Variants in YEATS2 observed in about 807,000 individuals in gnomAD.
The protein encoded by YEATS2 is YEATS domain-containing protein 2.
A neutral mutation model predicts 163.2 loss-of-function variants in YEATS2; 77 were observed. The observed-to-expected ratio is 0.47, with a 90% CI of 0.39 to 0.57. The LOEUF is 0.57. YEATS2 is among the 20% of genes least tolerant of loss of function. The pLI is 0.00. For missense variants in YEATS2, 1,549 were observed against 1,729.8 expected, an observed-to-expected ratio of 0.90 and a Z score of 1.85; for synonymous variants, 631 against 645.1, an observed-to-expected ratio of 0.98 and a Z score of 0.33.
intron 15 of YEATS2, among the ~76,000 whole-genome samples, chr3:183,767,354 G>A (rs748911328): frequency 6.6e-6 from 1 of 151,698 alleles, no homozygotes; most frequent in African/African-American, 2.4e-5. Flanking sequence ...GCCTTAGCTG[G>A]GATCGCAGGC....
chr3:183,712,226 T>TATGTTATGTTATGTTATG, intron 1 of YEATS2, among the ~76,000 whole-genome samples: 8 of 147,196 alleles, frequency 5.4e-5, no homozygotes, highest in African/African-American at 1.8e-4. Context: ...TATTTTATTT[T>TATGTTATGTTATGTTATG]TTGAGACAGA....
chr3:183,712,654 A>G (rs1399057687), intron 1 of YEATS2, among the ~76,000 whole-genome samples: 1 of 152,014 alleles, frequency 6.6e-6, no homozygotes, highest in Non-Finnish European at 1.5e-5. Flanking sequence ...TAATCTAACC[A>G]CCCTGGACCT....
intron 12 of YEATS2, 33 bp from the exon 13 acceptor site, chr3:183,758,829 T>G: frequency 7.2e-7 from 1 of 1,383,088 alleles, no homozygotes; most frequent in Non-Finnish European, 1.0e-6. Context: ...AAATTTTACT[T>G]TGTTTATGTT....
At position 183,806,884 on chromosome 3, in the gene YEATS2, C is replaced by G; in HGVS notation, c.3803C>G (p.Ser1268Cys). 1 of 1,613,908 alleles carries G rather than the reference C, an allele frequency of 6.2e-7. No homozygotes were observed. Among genetic ancestry groups the G allele is most frequent in the Non-Finnish European group, 8.5e-7 (1 of 1,179,880 alleles). Reference sequence around the variant, plus strand: ...CATTTAGAGTGCCCATCATCATTCTCCTCTGCTGACAACCTCTGCCGCAAA... The same window carrying G: ...CATTTAGAGTGCCCATCATCATTCTGCTCTGCTGACAACCTCTGCCGCAAA... Reference protein sequence around the residue: ...DSEPECPSSFSSADNLCRKLE... With the variant: ...DSEPECPSSFCSADNLCRKLE... The change falls in exon 28 of 31, where the codon TCC (serine) becomes TGC (cysteine). Residue 1268 changes from serine (S) to cysteine (C), a missense_variant. Physicochemically the swap from Ser to Cys is moderately radical, Grantham distance 112 (BLOSUM62 -1). Coordinates refer to ENST00000305135, the MANE Select transcript of YEATS2 (RefSeq NM_018023.5).
chr3:183,719,277 A>G lies in YEATS2; in HGVS notation c.291+685A>G, dbSNP rs139893818. On this transcript the variant is annotated intron_variant, in intron 4 of 30. Transcript: ENST00000305135. Reference sequence around the variant, plus strand: ...CAGCCTCCCAAGTAGCTGGGATTACAGGCATGCGCCACCATGCCTGGCTAA... The same window carrying G: ...CAGCCTCCCAAGTAGCTGGGATTACGGGCATGCGCCACCATGCCTGGCTAA... Among the ~76,000 whole-genome samples the G allele has an allele frequency of 1.1e-3, 167 of 151,714 alleles. 2 individuals carry two copies. The East Asian group carries it at 0.029, about 27-fold the overall frequency.
chr3:183,761,380 C>T (rs1654805952), intron 13 of YEATS2, 127 bp from the exon 14 acceptor site: 1 of 929,548 alleles, frequency 1.1e-6, no homozygotes, highest in Non-Finnish European at 1.7e-6. Flanking sequence ...AGCTACCGCA[C>T]CCAGCCAGTC....
At chr3:183,804,685 C>T (rs755567933) in intron 27 of YEATS2, among the ~76,000 whole-genome samples, 2 of 152,246 alleles carry the variant, frequency 1.3e-5, no homozygotes, top group African/African-American at 2.4e-5. Context: ...AATTGTTTCA[C>T]GATAAAAAAA....
At chr3:183,758,009 T>C (rs1262098052) in intron 12 of YEATS2, among the ~76,000 whole-genome samples, 1 of 152,130 alleles carries the variant, frequency 6.6e-6, no homozygotes, top group East Asian at 1.9e-4. Flanking sequence ...CTATAGGTAA[T>C]ATATGACTAA....
At chr3:183,758,369 T>A (rs993799973) in intron 12 of YEATS2, among the ~76,000 whole-genome samples, 15 of 151,406 alleles carry the variant, frequency 9.9e-5, no homozygotes, top group Admixed American at 7.2e-4. Context: ...GAAAAAAAAA[T>A]AATAATGTTG....
chr3:183,730,052 G>GTTTTTTTTTTTTTTTTTTTTT (rs869091775), intron 7 of YEATS2, among the ~76,000 whole-genome samples: 2 of 41,718 alleles, frequency 4.8e-5, no homozygotes, highest in African/African-American at 1.6e-4. Context: ...TTTTTTGTTT[G>GTTTTTTTTTTTTTTTTTTTTT]TTTTTTTTTT....
intron 1 of YEATS2, among the ~76,000 whole-genome samples, chr3:183,700,770 C>CA (rs774835127): frequency 0.038 from 1,370 of 36,346 alleles, 27 homozygotes; most frequent in African/African-American, 0.086. Context: ...GACTTCGTCT[C>CA]AAAAAAAAAA....
chr3:183,763,775 A>G (rs1319690685), intron 15 of YEATS2, among the ~76,000 whole-genome samples: 3 of 152,148 alleles, frequency 2.0e-5, no homozygotes, highest in Non-Finnish European at 4.4e-5. Context: ...TATTAAGTAT[A>G]TAATATGGGC....
intron 1 of YEATS2, among the ~76,000 whole-genome samples, chr3:183,703,509 C>A (rs963127921): frequency 3.6e-4 from 55 of 152,266 alleles, no homozygotes; most frequent in African/African-American, 1.3e-3. Context: ...TAGATAACTT[C>A]TCGTTCCTTC....
chr3:183,802,487 A>ATGTGTGTGTGTGTG (rs10663581), intron 25 of YEATS2: 3 of 145,252 alleles, frequency 2.1e-5, no homozygotes, highest in Admixed American at 6.9e-5. Context: ...TCTCTTATAT[A>ATGTGTGTGTGTGTG]TGTGTGTGTG....
intron 20 of YEATS2, among the ~76,000 whole-genome samples, chr3:183,790,520 A>T (rs1577199682): frequency 6.6e-6 from 1 of 152,180 alleles, no homozygotes; most frequent in East Asian, 1.9e-4. Context: ...TGCCTTTTAT[A>T]AAGGGATATA....
intron 28 of YEATS2, chr3:183,807,306 G>A: frequency 1.8e-6 from 1 of 544,504 alleles, no homozygotes; most frequent in Middle Eastern, 4.9e-4. Context: ...GAGCCCTTGG[G>A]CAGAAATGCT....
intron 15 of YEATS2, among the ~76,000 whole-genome samples, chr3:183,763,766 A>G (rs1248241563): frequency 2.0e-5 from 3 of 152,136 alleles, no homozygotes; most frequent in Non-Finnish European, 4.4e-5. Context: ...CTCTAAAGCT[A>G]TTAAGTATAT....
At chr3:183,761,298 G>T (rs1429673180) in intron 13 of YEATS2, among the ~76,000 whole-genome samples, 2 of 152,068 alleles carry the variant, frequency 1.3e-5, no homozygotes, top group Admixed American at 1.3e-4. Context: ...TGTTGGTCAG[G>T]CTGGTCTTGA....
chr3:183,797,876 C>G, intron 21 of YEATS2, 47 bp from the exon 22 acceptor site: 3 of 1,610,292 alleles, frequency 1.9e-6, no homozygotes, highest in Non-Finnish European at 2.5e-6. Context: ...GAGACTTTCC[C>G]GAAGCACCTG....
Sources: allele counts gnomAD v4.1 joint callset (sites outside exome capture counted in the v4.1 genomes callset), GRCh38; gene constraint gnomAD v4.1.1; transcripts MANE v1.5; gene names NCBI Gene and HGNC (gene_info 2026-07-23, HGNC 2026-07-21).